Variants in PRDM9 observed in about 807,000 individuals in gnomAD.
PRDM9 encodes the protein histone-lysine N-methyltransferase PRDM9.
Under a neutral mutation model 55.6 loss-of-function variants are expected in PRDM9, and 47 were observed. The observed-to-expected ratio is 0.85, with a 90% CI of 0.67 to 1.08. The LOEUF (loss-of-function observed/expected upper bound fraction) is 1.08. Ranked by LOEUF, PRDM9 falls within the 50% of genes least tolerant of loss-of-function variation. The pLI is 0.00. For synonymous variants in PRDM9, 312 were observed against 375.7 expected, an observed-to-expected ratio of 0.83 and a Z score of 1.96; for missense variants, 867 against 1,040.3, an observed-to-expected ratio of 0.83 and a Z score of 2.29.
intron 6 of PRDM9, among the ~76,000 whole-genome samples, chr5:23,521,797 G>A (rs551504393): frequency 2.6e-4 from 40 of 152,316 alleles, no homozygotes; most frequent in African/African-American, 8.7e-4. Flanking sequence ...TATAGACCAA[G>A]TACATTGTTT....
intron 4 of PRDM9, 129 bp from the exon 5 acceptor site, chr5:23,517,752 A>C: frequency 1.1e-6 from 1 of 892,772 alleles, no homozygotes. Context: ...GAGCCACTGC[A>C]CTCCAGCCTG....
In PRDM9 at chr5:23,527,908, A is replaced by C. The variant is rs575739809; in HGVS notation, c.*135A>C. 6.9e-5 allele frequency: 78 copies of C among 1,137,794 alleles called. 4 individuals are homozygous for C. In the South Asian group the frequency reaches 1.0e-3, roughly 15 times the overall value. The allele number at this position is 1,137,794 out of a possible 1,614,324, so 70.5% of individuals were successfully genotyped here. A position where few individuals can be genotyped will look rare whatever the true frequency, so the allele number is the denominator to read the frequency against. On this transcript the variant is annotated 3_prime_UTR_variant, in exon 11 of 11. Coordinates refer to ENST00000296682, the MANE Select transcript of PRDM9 (RefSeq NM_020227.4). ...TTATATTCCCCGAGAGTATAAAGAG[A>C]TCGGAAATAACTGATTAAACAAATC...
chr5:23,527,747 C>G lies in PRDM9; in HGVS notation c.2659C>G (p.Pro887Ala), dbSNP rs375229855. The G allele has an allele frequency of 6.2e-7, 1 of 1,613,696 alleles. No homozygotes were observed. The highest frequency in any genetic ancestry group is 8.5e-7 in the Non-Finnish European group (1 of 1,179,822). ...CCAGAGGACACACACAGGGGAGAAG[C>G]CCTACGTCTGCAGGGAGGATGAGTA... ...YHQRTHTGEK[P>A]YVCREDE The change falls in exon 11 of 11, where the codon CCC (proline) becomes GCC (alanine). Residue 887 changes from proline (P) to alanine (A), a missense_variant. By Grantham distance (27) the Pro-to-Ala change is conservative (BLOSUM62 -1). Around this residue, in one of 5 missense-constraint regions of PRDM9, gnomAD observed 86 missense variants for 73.6 expected, o/e 1.17. Transcript: ENST00000296682.
chr5:23,515,580 G>A (rs1208747875), intron 4 of PRDM9, among the ~76,000 whole-genome samples: 2 of 152,186 alleles, frequency 1.3e-5, no homozygotes, highest in African/African-American at 4.8e-5. Context: ...TATACAAGAA[G>A]TTATTGTTCA....
intron 4 of PRDM9, among the ~76,000 whole-genome samples, chr5:23,517,430 G>A (rs568119792): frequency 7.9e-5 from 12 of 151,896 alleles, no homozygotes; most frequent in Admixed American, 5.2e-4. Context: ...TTTCCAAATC[G>A]CCTTTGGATA....
intron 5 of PRDM9, among the ~76,000 whole-genome samples, chr5:23,520,055 A>AG (rs1345128694): frequency 2.0e-5 from 3 of 146,628 alleles, no homozygotes; most frequent in South Asian, 2.2e-4. Context: ...AAAAAATAAA[A>AG]AAAAAAAAGA....
intron 4 of PRDM9, among the ~76,000 whole-genome samples, 176 bp downstream of exon 4, chr5:23,510,203 C>T (rs1739066569): frequency 6.6e-6 from 1 of 151,662 alleles, no homozygotes; most frequent in African/African-American, 2.4e-5. Context: ...TACAAGCATC[C>T]ACCACTACGC....
chr5:23,517,964 C>G (rs765959682), intron 5 of PRDM9, 34 bp downstream of exon 5: 2 of 1,536,450 alleles, frequency 1.3e-6, no homozygotes, highest in Non-Finnish European at 1.8e-6. Flanking sequence ...GACAAGAAAC[C>G]TTCCTCATGG....
At chr5:23,518,077 T>C in intron 5 of PRDM9, 147 bp downstream of exon 5, 1 of 750,846 alleles carries the variant, frequency 1.3e-6, no homozygotes. Flanking sequence ...ATCATTATTT[T>C]AAGAGTTAAT....
chr5:23,510,740 T>C (rs1179771392), intron 4 of PRDM9, among the ~76,000 whole-genome samples: 2 of 151,748 alleles, frequency 1.3e-5, no homozygotes, highest in Non-Finnish European at 2.9e-5. Flanking sequence ...GGTGCAATCA[T>C]AACTCACTGC....
At chr5:23,523,234 T>A in intron 8 of PRDM9, 57 bp from the exon 9 acceptor site, 1 of 1,558,270 alleles carries the variant, frequency 6.4e-7, no homozygotes, top group Non-Finnish European at 8.9e-7. Flanking sequence ...TGGAGTAAAA[T>A]AATTCTTCTG....
chr5:23,508,754 A>G (rs1739031480), intron 1 of PRDM9, among the ~76,000 whole-genome samples, 196 bp from the exon 2 acceptor site: 1 of 152,136 alleles, frequency 6.6e-6, no homozygotes, highest in African/African-American at 2.4e-5. Flanking sequence ...AATCCAGCTT[A>G]CATTAGGTGG....
intron 5 of PRDM9, among the ~76,000 whole-genome samples, chr5:23,520,364 C>CAAAAAAAAAA (rs59333354): frequency 2.2e-5 from 1 of 44,570 alleles, no homozygotes; most frequent in African/African-American, 9.1e-5. Flanking sequence ...GACTCCTTCT[C>CAAAAAAAAAA]AAAAAAAAAA....
At chr5:23,510,338 GC>G (rs1312652634) in intron 4 of PRDM9, among the ~76,000 whole-genome samples, 4 of 151,690 alleles carry the variant, frequency 2.6e-5, no homozygotes, top group Admixed American at 2.6e-4. Flanking sequence ...TGGGATTACA[GC>G]CATGAGCCAC....
intron 9 of PRDM9, 109 bp from the exon 10 acceptor site, chr5:23,524,225 G>T: frequency 1.4e-6 from 2 of 1,422,768 alleles, no homozygotes; most frequent in Non-Finnish European, 2.0e-6. Context: ...TGGGGGAGTG[G>T]TCAGCACTAG....
At chr5:23,516,591 C>T (rs1423451452) in intron 4 of PRDM9, among the ~76,000 whole-genome samples, 1 of 151,518 alleles carries the variant, frequency 6.6e-6, no homozygotes, top group East Asian at 2.0e-4. Flanking sequence ...CCAGGATGGT[C>T]TCGATCTCCT....
chr5:23,507,709 C>G lies in PRDM9; in HGVS notation c.-88C>G, dbSNP rs1349615114. ...GAGCCTTTGTCGTGCAGCGTGAAAC[C>G]CTTGTAAACCCTCATCCCGAGACCT... On this transcript the variant is annotated 5_prime_UTR_variant, in exon 1 of 11. Coordinates refer to ENST00000296682, the MANE Select transcript of PRDM9 (RefSeq NM_020227.4). 1 of 152,178 alleles carries G rather than the reference C, an allele frequency of 6.6e-6. No individual in the cohort carries two copies. Among genetic ancestry groups the G allele is most frequent in the Admixed American group, 6.5e-5 (1 of 15,278 alleles). 9.4% of individuals were successfully genotyped at this position (152,178 alleles called of 1,614,324 possible). A position where few individuals can be genotyped will look rare whatever the true frequency, so the allele number is the denominator to read the frequency against.
intron 4 of PRDM9, among the ~76,000 whole-genome samples, chr5:23,516,232 T>A (rs1286294197): frequency 6.6e-6 from 1 of 152,222 alleles, no homozygotes; most frequent in Non-Finnish European, 1.5e-5. Context: ...GCCTCCTTGG[T>A]TAAGTTTATT....
intron 9 of PRDM9, among the ~76,000 whole-genome samples, chr5:23,523,775 T>C (rs895922091): frequency 6.6e-6 from 1 of 152,106 alleles, no homozygotes; most frequent in Non-Finnish European, 1.5e-5. Context: ...TATCAGAGAA[T>C]AGAAAAATGA....
Sources: allele counts gnomAD v4.1 joint callset (sites outside exome capture counted in the v4.1 genomes callset), GRCh38; gene constraint gnomAD v4.1.1; regional missense constraint gnomAD v4.1.1; transcripts MANE v1.5; gene names NCBI Gene and HGNC (gene_info 2026-07-23, HGNC 2026-07-21).